Variants in PABIR3 observed in about 807,000 individuals in gnomAD.
PABIR3 encodes the protein PABIR family member 1.
In PABIR3, 20 loss-of-function variants were observed where a neutral mutation model predicts 23.1. The ratio of observed to expected loss-of-function variants is 0.86; its 90% confidence interval spans 0.61 to 1.26. The LOEUF (loss-of-function observed/expected upper bound fraction) is 1.26, where lower values mean the gene tolerates loss of function less well. PABIR3 is among the 50% of genes most tolerant of loss of function. The pLI, the probability that PABIR3 is intolerant of heterozygous loss-of-function variation, is 0.00. For missense variants in PABIR3, 189 were observed against 195.4 expected, an observed-to-expected ratio of 0.97 and a Z score of 0.20; for synonymous variants, 69 against 68.5, an observed-to-expected ratio of 1.01 and a Z score of -0.04.
intron 2 of PABIR3, among the ~76,000 whole-genome samples, chrX:134,814,297 G>T (rs1411009480): frequency 8.9e-6 from 1 of 111,979 alleles, no homozygotes; most frequent in Non-Finnish European, 1.9e-5. Flanking sequence ...CTTATATGGA[G>T]ACTTGTTTAG....
At chrX:134,808,329 A>G (rs962908299) in intron 2 of PABIR3, 3 of 285,068 alleles carry the variant, frequency 1.1e-5, no homozygotes, top group Non-Finnish European at 1.8e-5. Flanking sequence ...AGCTAGGATT[A>G]CAGGCGCCCA....
intron 9 of PABIR3, among the ~76,000 whole-genome samples, chrX:134,851,748 A>G (rs1448162949): frequency 9.0e-6 from 1 of 111,700 alleles, no homozygotes; most frequent in African/African-American, 3.3e-5. Flanking sequence ...AGTGACATAA[A>G]TGTAATCTGG....
intron 2 of PABIR3, chrX:134,809,533 T>G (rs1200550277): frequency 2.7e-6 from 2 of 750,161 alleles, no homozygotes; most frequent in Non-Finnish European, 3.1e-6. Flanking sequence ...ATTATAAGGT[T>G]TTCTAGATAC....
intron 8 of PABIR3, among the ~76,000 whole-genome samples, chrX:134,848,503 T>C (rs921225509): frequency 8.9e-6 from 1 of 112,058 alleles, no homozygotes; most frequent in African/African-American, 3.2e-5. Context: ...ATACATAATC[T>C]TTCTCTAACC....
intron 4 of PABIR3, chrX:134,839,319 ATGTG>A (rs1309051679): frequency 8.4e-6 from 1 of 118,370 alleles, no homozygotes; most frequent in Non-Finnish European, 1.6e-5. Flanking sequence ...CCCGTCTGGG[ATGTG>A]AGGAGCGCCT....
chrX:134,856,428 C>G (rs1478848557), downstream of PABIR3, among the ~76,000 whole-genome samples: 1 of 110,346 alleles, frequency 9.1e-6, no homozygotes, highest in Non-Finnish European at 1.9e-5. Context: ...TCAGGTGATC[C>G]ACCCACCTCG....
downstream of PABIR3, chrX:134,854,835 A>G (rs2082737586): frequency 8.9e-6 from 1 of 112,364 alleles, no homozygotes; most frequent in African/African-American, 3.2e-5. Context: ...AAAGAAAATA[A>G]TATGTAATTG....
At chrX:134,827,474 C>G (rs1183915807) in intron 3 of PABIR3, among the ~76,000 whole-genome samples, 1 of 111,054 alleles carries the variant, frequency 9.0e-6, no homozygotes, top group Admixed American at 9.7e-5. Flanking sequence ...TGGCCTGTGA[C>G]CCTGCGTCTA....
At chrX:134,806,778 CT>C (rs755771740), upstream of PABIR3, among the ~76,000 whole-genome samples, 8,212 of 82,521 alleles carry the variant, frequency 0.1, 582 homozygotes, top group African/African-American at 0.22. Flanking sequence ...GTAGCAGTAT[CT>C]TTTTTTTTTT....
At chrX:134,864,644 TC>T in the PABIR3 span, among the ~76,000 whole-genome samples, 1 of 112,423 alleles carries the variant, frequency 8.9e-6, no homozygotes, top group African/African-American at 3.2e-5. Context: ...CATCAGTAGT[TC>T]ATTACTTTTT....
intron 6 of PABIR3, 107 bp from the exon 7 acceptor site, chrX:134,847,276 C>A: frequency 1.9e-6 from 1 of 523,737 alleles, no homozygotes; most frequent in Non-Finnish European, 3.1e-6. Context: ...CATGGTGCAG[C>A]CAGTGACTCA....
intron 10 of PABIR3, among the ~76,000 whole-genome samples, chrX:134,853,413 T>C (rs1236331484): frequency 9.0e-6 from 1 of 111,068 alleles, no homozygotes; most frequent in African/African-American, 3.3e-5. Flanking sequence ...ATATGGTGGA[T>C]ACATTTTTAG....
chrX:134,809,407 C>A, intron 2 of PABIR3: 1 of 465,189 alleles, frequency 2.1e-6, no homozygotes, highest in Non-Finnish European at 2.7e-6. Context: ...CCTTGTGATC[C>A]GCCCACCTTG....
intron 3 of PABIR3, among the ~76,000 whole-genome samples, chrX:134,817,498 T>C (rs2081048600): frequency 9.6e-6 from 1 of 103,749 alleles, no homozygotes; most frequent in South Asian, 4.5e-4. Context: ...CTAACTGAGT[T>C]TGGGGAGGAG....
chrX:134,845,522 T>C lies in PABIR3; in HGVS notation c.345+121T>C, dbSNP rs2082403929. ...AAGCTCTATTTTGAAACAAAAATTG[T>C]ATCTGTTGCATAAATAATTTTTGAG... is the stretch of plus-strand genomic sequence containing the variant. On this transcript the variant is annotated intron_variant, in intron 6 of 10. Coordinates refer to ENST00000645433, the MANE Select transcript of PABIR3 (RefSeq NM_001388447.1). 4 of 597,859 alleles carry C rather than the reference T, an allele frequency of 6.7e-6. No homozygotes were observed. In the Admixed American group the frequency reaches 1.1e-4, roughly 16 times the overall value. The allele number at this position is 597,859 out of a possible 1,213,427, so 49.3% of individuals were successfully genotyped here.
chrX:134,850,694 T>C (rs1341622892), intron 9 of PABIR3, among the ~76,000 whole-genome samples: 1 of 112,394 alleles, frequency 8.9e-6, no homozygotes, highest in East Asian at 2.8e-4. Context: ...TCGAGTTTTC[T>C]TAGAATTTAT....
chrX:134,835,505 T>C (rs2148286315), intron 4 of PABIR3: 1 of 112,161 alleles, frequency 8.9e-6, no homozygotes, highest in East Asian at 2.8e-4. Context: ...AAGCAGGTAA[T>C]GGACAATTTC....
intron 4 of PABIR3, among the ~76,000 whole-genome samples, chrX:134,829,700 C>T (rs2081675925): frequency 9.0e-6 from 1 of 111,475 alleles, no homozygotes; most frequent in African/African-American, 3.3e-5. Flanking sequence ...CATTGTACCT[C>T]ACTGGTTTAT....
At chrX:134,827,437 T>C (rs996211312) in intron 3 of PABIR3, among the ~76,000 whole-genome samples, 1 of 111,144 alleles carries the variant, frequency 9.0e-6, no homozygotes, top group Admixed American at 9.7e-5. Flanking sequence ...TCTCCCTTTT[T>C]CATTTAGACC....
Sources: allele counts gnomAD v4.1 joint callset (sites outside exome capture counted in the v4.1 genomes callset), GRCh38; gene constraint gnomAD v4.1.1; transcripts MANE v1.5; gene names NCBI Gene and HGNC (gene_info 2026-07-23, HGNC 2026-07-21).